TWIST2: variants seen among roughly 807,000 people sequenced by gnomAD.
TWIST2 encodes twist-related protein 2.
A neutral mutation model predicts 11.6 loss-of-function variants in TWIST2; 1 was observed. The ratio of observed to expected loss-of-function variants is 0.09; its 90% confidence interval spans 0.03 to 0.41. The LOEUF is 0.41. Among genes scored for constraint, TWIST2 ranks in the 10% least tolerant of loss-of-function variants. The pLI is 0.98. For missense variants in TWIST2, 168 were observed against 226.4 expected, an observed-to-expected ratio of 0.74 and a Z score of 1.66; for synonymous variants, 87 against 96.6, an observed-to-expected ratio of 0.90 and a Z score of 0.58.
rs1229428285 is a variant in TWIST2 at position 238,867,370 on chromosome 2, AACACACACACACACAC to A, written c.*35+18664_*35+18679del. ...CTGGGGAGTAAAATGTCCTGCCTTC[AACACACACACACACAC>A]ACACACACACACACACACACACACA... On this transcript the variant is annotated intron_variant, in intron 1 of 1. Transcript: ENST00000612363. This position sits in a 1 kb window ranked among gnomAD's most constrained non-coding sequence, Gnocchi z 4.8. 8.4e-6 allele frequency among the ~76,000 whole-genome samples: 1 copy of A among 119,634 alleles called. No homozygotes were observed. Among genetic ancestry groups the A allele is most frequent in the African/African-American group, 3.3e-5 (1 of 30,322 alleles). The allele number at this position is 119,634 out of a possible 152,430, so 78.5% of individuals were successfully genotyped here. A position where few individuals can be genotyped will look rare whatever the true frequency, so the allele number is the denominator to read the frequency against.
chr2:238,908,813 C>T (rs899564933), intron 1 of TWIST2, among the ~76,000 whole-genome samples: 69,874 of 146,910 alleles, frequency 0.48, 17,297 homozygotes, highest in African/African-American at 0.65. Context: ...GTGTAGTGTG[C>T]GGTATGTTTG....
rs1692460545 is a variant in TWIST2 at position 238,863,018 on chromosome 2, A to G, written c.*35+14285A>G. Among the ~76,000 whole-genome samples the G allele has an allele frequency of 6.7e-6, 1 of 149,918 alleles. No homozygotes were observed. The highest frequency in any genetic ancestry group is 2.4e-5 in the African/African-American group (1 of 40,930). ...TGTCTCTGGACCAAAAGTTGATGAA[A>G]GAGCTTCCTTTCCTTCTTATGTTTT... On this transcript the variant is annotated intron_variant, in intron 1 of 1. Transcript: ENST00000612363. The surrounding 1 kb of genome is among the most constrained non-coding windows in gnomAD (Gnocchi z 4.7).
At chr2:238,860,989 A>G (rs529676857) in intron 1 of TWIST2, among the ~76,000 whole-genome samples, 2 of 152,302 alleles carry the variant, frequency 1.3e-5, no homozygotes, top group East Asian at 3.9e-4. Flanking sequence ...CTGTTCCCCC[A>G]TTCCCAGTCC....
intron 1 of TWIST2, among the ~76,000 whole-genome samples, chr2:238,881,421 G>A (rs183141067): frequency 6.6e-6 from 1 of 151,400 alleles, no homozygotes; most frequent in African/African-American, 2.4e-5. Flanking sequence ...CAGTGTTAGT[G>A]TTAGTATTAG....
intron 1 of TWIST2, among the ~76,000 whole-genome samples, chr2:238,874,586 CA>C (rs1692770245): frequency 6.6e-6 from 1 of 152,192 alleles, no homozygotes; most frequent in African/African-American, 2.4e-5. Context: ...ACCTCCTGGC[CA>C]CTAAAAATCT....
intron 1 of TWIST2, among the ~76,000 whole-genome samples, chr2:238,889,373 A>G (rs1203319366): frequency 6.6e-6 from 1 of 152,184 alleles, no homozygotes; most frequent in African/African-American, 2.4e-5. Context: ...TTATATATAC[A>G]CACATATATA....
intron 1 of TWIST2, among the ~76,000 whole-genome samples, chr2:238,865,798 A>G (rs1192764650): frequency 6.6e-6 from 1 of 151,784 alleles, no homozygotes; most frequent in East Asian, 1.9e-4. Context: ...TGAATACACC[A>G]ATTTAGATGC....
chr2:238,908,844 ATG>A (rs1391107155), intron 1 of TWIST2, among the ~76,000 whole-genome samples: 2 of 33,684 alleles, frequency 5.9e-5, no homozygotes, highest in African/African-American at 3.0e-4. Flanking sequence ...GGTGTGTGTG[ATG>A]TGTTTGTGTG....
intron 1 of TWIST2, among the ~76,000 whole-genome samples, chr2:238,898,156 A>G (rs1377323609): frequency 2.6e-5 from 4 of 152,194 alleles, no homozygotes; most frequent in Non-Finnish European, 4.4e-5. Flanking sequence ...GGGTGGGGCC[A>G]GCCCCGAGCA....
chr2:238,848,328 A>T lies in TWIST2; in HGVS notation c.113A>T (p.Lys38Met), dbSNP rs1272783385. The T allele has an allele frequency of 2.4e-5, 37 of 1,534,590 alleles. No individual in the cohort carries two copies. The highest frequency in any genetic ancestry group is 3.1e-5 in the Non-Finnish European group (36 of 1,146,152). ...GGCCGGAAGCGGCGCTACAGCAAGA[A>T]GTCGAGCGAAGATGGCAGCCCGACC... ...RFGRKRRYSKKSSEDGSPTPG... is the reference protein window; with the variant it reads ...RFGRKRRYSKMSSEDGSPTPG... Residue 38 changes from lysine to methionine, a missense_variant, in exon 1 of 2, where the codon AAG becomes ATG. Transcript: ENST00000612363.
intron 1 of TWIST2, among the ~76,000 whole-genome samples, chr2:238,902,170 T>C (rs1391461908): frequency 6.6e-6 from 1 of 151,758 alleles, no homozygotes; most frequent in Non-Finnish European, 1.5e-5. Flanking sequence ...GGGTGTGTAA[T>C]GGTGTGTGTG....
intron 1 of TWIST2, among the ~76,000 whole-genome samples, chr2:238,868,186 T>A (rs36171175): frequency 6.6e-6 from 1 of 151,928 alleles, no homozygotes; most frequent in Non-Finnish European, 1.5e-5. Flanking sequence ...GAGGTCAGGC[T>A]TTCTGCACGT....
intron 1 of TWIST2, among the ~76,000 whole-genome samples, chr2:238,878,322 C>T (rs147150390): frequency 0.068 from 10,339 of 152,280 alleles, 887 homozygotes; most frequent in East Asian, 0.42. Flanking sequence ...GCAGCCCACT[C>T]TTGCCTTTTA....
intron 1 of TWIST2, among the ~76,000 whole-genome samples, chr2:238,890,967 C>G (rs756419954): frequency 1.3e-5 from 2 of 152,172 alleles, no homozygotes. Flanking sequence ...CGGGACCTTG[C>G]CAGCTATTTG....
In TWIST2 at chr2:238,863,705, C is replaced by G. The variant is rs577431721; in HGVS notation, c.*35+14972C>G. 6.6e-6 allele frequency among the ~76,000 whole-genome samples: 1 copy of G among 152,260 alleles called. No individual in the cohort carries two copies. Among genetic ancestry groups the G allele is most frequent in the African/African-American group, 2.4e-5 (1 of 41,550 alleles). ...CTCAATGAACCCCTTAGCTGTTCCC[C>G]GAACCCAAATTGAGAAGAGGTGCTT... On this transcript the variant is annotated intron_variant, in intron 1 of 1. Coordinates refer to ENST00000612363, the MANE Select transcript of TWIST2 (RefSeq NM_001271893.4). The surrounding 1 kb of genome is among the most constrained non-coding windows in gnomAD (Gnocchi z 4.7).
chr2:238,854,316 A>T (rs36189300), intron 1 of TWIST2, among the ~76,000 whole-genome samples: 136,537 of 152,306 alleles, frequency 0.9, 61,453 homozygotes, highest in African/African-American at 0.98. Context: ...TAGAGTCCTA[A>T]TTCTCACTGT....
chr2:238,883,765 C>T (rs535150184), intron 1 of TWIST2, among the ~76,000 whole-genome samples: 3 of 152,252 alleles, frequency 2.0e-5, no homozygotes, highest in Admixed American at 6.5e-5. Flanking sequence ...CCATGCCTTG[C>T]GGAGAGGGAG....
At position 238,854,539 on chromosome 2, in the gene TWIST2, G is replaced by A. The variant is rs368137169; in HGVS notation, c.*35+5806G>A. ...AGCAGCTCCCCCCAGGAGGGGTTAG[G>A]GCAACTTTTTGGCCTTTTGCTGTGA... is the stretch of plus-strand genomic sequence containing the variant. On this transcript the variant is annotated intron_variant, in intron 1 of 1. Transcript: ENST00000612363. Among the ~76,000 whole-genome samples, 187 of 152,292 alleles carry A rather than the reference G, an allele frequency of 1.2e-3. 7 individuals carry two copies. The South Asian group carries it at 0.038, about 31-fold the overall frequency.
At chr2:238,884,519 A>T (rs1692995992) in intron 1 of TWIST2, among the ~76,000 whole-genome samples, 1 of 152,216 alleles carries the variant, frequency 6.6e-6, no homozygotes, top group African/African-American at 2.4e-5. Context: ...ACAAGATTCT[A>T]GGCATGGTCT....
Sources: allele counts gnomAD v4.1 joint callset (sites outside exome capture counted in the v4.1 genomes callset), GRCh38; gene constraint gnomAD v4.1.1; non-coding constraint Gnocchi (gnomAD v3.1); transcripts MANE v1.5; gene names NCBI Gene and HGNC (gene_info 2026-07-23, HGNC 2026-07-21).